Variants in PTK2 observed in about 807,000 individuals in gnomAD.
PTK2 encodes the protein focal adhesion kinase 1.
A neutral mutation model predicts 150.1 loss-of-function variants in PTK2; 45 were observed. The ratio of observed to expected loss-of-function variants is 0.30; its 90% CI spans 0.24 to 0.38. The LOEUF is 0.38. Among genes scored for constraint, PTK2 ranks in the 10% least tolerant of loss-of-function variants. PTK2 has a pLI of 1.00. For missense variants in PTK2, 919 were observed against 1,307.3 expected (o/e 0.70, Z 4.58); for synonymous variants, 432 against 449.2 (o/e 0.96, Z 0.48).
chr8:140,836,802 G>A (rs1157799572), intron 7 of PTK2, among the ~76,000 whole-genome samples: 1 of 152,006 alleles, frequency 6.6e-6, no homozygotes, highest in Non-Finnish European at 1.5e-5. Flanking sequence ...ATAGTGAAGA[G>A]AAACAACTAT....
chr8:140,882,190 G>T (rs565803470), intron 3 of PTK2, among the ~76,000 whole-genome samples: 1 of 152,212 alleles, frequency 6.6e-6, no homozygotes, highest in South Asian at 2.1e-4. Flanking sequence ...TTAAATATGT[G>T]GTGCTAAATG....
chr8:140,665,430 G>A (rs1282741958), intron 30 of PTK2, among the ~76,000 whole-genome samples: 3 of 152,132 alleles, frequency 2.0e-5, no homozygotes, highest in East Asian at 1.9e-4. Flanking sequence ...AACACCTCAT[G>A]AGGCTGGCCA....
chr8:140,867,898 CT>C (rs1284113364), intron 4 of PTK2, among the ~76,000 whole-genome samples: 1 of 152,194 alleles, frequency 6.6e-6, no homozygotes, highest in Non-Finnish European at 1.5e-5. Context: ...CCACTCTGCT[CT>C]TACACGAAAC....
At chr8:140,881,461 C>T (rs769152421) in intron 3 of PTK2, among the ~76,000 whole-genome samples, 3 of 152,202 alleles carry the variant, frequency 2.0e-5, no homozygotes, top group Non-Finnish European at 4.4e-5. Context: ...ACACCCAGTA[C>T]GCACCAACAC....
At chr8:140,663,037 C>T (rs374776334) in intron 31 of PTK2, 12 of 338,398 alleles carry the variant, frequency 3.5e-5, no homozygotes, top group East Asian at 3.1e-4. Flanking sequence ...CAGAGACAAC[C>T]GACGACCCTG....
chr8:140,718,514 A>G (rs1373727003), intron 22 of PTK2: 1 of 152,186 alleles, frequency 6.6e-6, no homozygotes, highest in African/African-American at 2.4e-5. Context: ...CCCTCGTCCT[A>G]ACTGTGGCAA....
chr8:140,743,917 A>G (rs2100057193), intron 19 of PTK2, among the ~76,000 whole-genome samples: 1 of 151,554 alleles, frequency 6.6e-6, no homozygotes, highest in South Asian at 2.1e-4. Flanking sequence ...AGCTGGGACT[A>G]CAGGCGCCCG....
At chr8:140,982,302 T>C (rs2100191720) in intron 1 of PTK2, among the ~76,000 whole-genome samples, 1 of 152,202 alleles carries the variant, frequency 6.6e-6, no homozygotes, top group Non-Finnish European at 1.5e-5. Flanking sequence ...ACTGCATCAT[T>C]AAGATAGATA....
At chr8:140,888,851 C>G (rs1251745871) in intron 3 of PTK2, among the ~76,000 whole-genome samples, 1 of 152,132 alleles carries the variant, frequency 6.6e-6, no homozygotes, top group Admixed American at 6.5e-5. Flanking sequence ...AGGGCTGATA[C>G]AATGGTTTTA....
chr8:140,914,723 T>G (rs909293911), intron 2 of PTK2, among the ~76,000 whole-genome samples: 2 of 152,138 alleles, frequency 1.3e-5, no homozygotes, highest in Non-Finnish European at 2.9e-5. Flanking sequence ...CAAGATTTAA[T>G]TCATTTATCC....
chr8:140,941,927 C>T (rs187544629), intron 1 of PTK2, among the ~76,000 whole-genome samples: 7 of 151,986 alleles, frequency 4.6e-5, no homozygotes, highest in Admixed American at 3.3e-4. Flanking sequence ...CTTGCTCTGT[C>T]GTCCAGGCTG....
chr8:140,902,728 T>C (rs921194192), intron 2 of PTK2, among the ~76,000 whole-genome samples: 1 of 152,182 alleles, frequency 6.6e-6, no homozygotes, highest in East Asian at 1.9e-4. Flanking sequence ...GAGCTTTTTT[T>C]CATATGTTTA....
At chr8:140,935,816 A>G (rs1349194373) in intron 1 of PTK2, among the ~76,000 whole-genome samples, 2 of 150,126 alleles carry the variant, frequency 1.3e-5, no homozygotes, top group Non-Finnish European at 3.0e-5. Flanking sequence ...GACTACAGGC[A>G]TCCGCCACCA....
intron 11 of PTK2, among the ~76,000 whole-genome samples, chr8:140,802,478 T>A (rs2100095698): frequency 6.6e-6 from 1 of 152,236 alleles, no homozygotes; most frequent in African/African-American, 2.4e-5. Context: ...ATATAAAAGT[T>A]ACTGTAAGCT....
chr8:140,987,879 C>A (rs117060567), intron 1 of PTK2, among the ~76,000 whole-genome samples: 3,294 of 152,092 alleles, frequency 0.022, 51 homozygotes, highest in Non-Finnish European at 0.034. Flanking sequence ...CTCGTCTCTA[C>A]AAAAATGTTT....
intron 1 of PTK2, among the ~76,000 whole-genome samples, chr8:140,950,700 A>G (rs888775937): frequency 1.7e-4 from 26 of 152,242 alleles, no homozygotes; most frequent in African/African-American, 6.0e-4. Flanking sequence ...GGCATCCCAA[A>G]GATCCTGTGA....
At chr8:140,864,947 G>A (rs1366909082) in intron 4 of PTK2, among the ~76,000 whole-genome samples, 1 of 152,118 alleles carries the variant, frequency 6.6e-6, no homozygotes, top group African/African-American at 2.4e-5. Flanking sequence ...TAGGAGCACT[G>A]GATAACAAAT....
intron 4 of PTK2, among the ~76,000 whole-genome samples, chr8:140,872,035 T>C (rs1038918640): frequency 5.3e-5 from 8 of 151,554 alleles, no homozygotes; most frequent in Non-Finnish European, 7.4e-5. Context: ...GGTGAAACCC[T>C]GTCTCTACTA....
intron 1 of PTK2, among the ~76,000 whole-genome samples, chr8:140,993,020 T>C (rs917159058): frequency 6.6e-6 from 1 of 152,246 alleles, no homozygotes; most frequent in African/African-American, 2.4e-5. Flanking sequence ...TTCCATCATT[T>C]TGTGTCACCT....
Sources: allele counts gnomAD v4.1 joint callset (sites outside exome capture counted in the v4.1 genomes callset), GRCh38; gene constraint gnomAD v4.1.1; transcripts MANE v1.5; gene names NCBI Gene and HGNC (gene_info 2026-07-23, HGNC 2026-07-21).